The following KSR2 variants were observed in gnomAD, a reference collection of about 807,000 sequenced individuals.
KSR2 encodes the protein kinase suppressor of ras 2.
In KSR2, 25 loss-of-function variants were observed where a neutral mutation model predicts 107.8. The observed-to-expected ratio is 0.23, with a 90% confidence interval of 0.17 to 0.32. The LOEUF is 0.32. Ranked by LOEUF, KSR2 falls within the 10% of genes least tolerant of loss-of-function variation. The pLI, the probability that KSR2 is intolerant of heterozygous loss-of-function variation, is 1.00. For missense variants in KSR2, 887 were observed against 1,268.9 expected (o/e 0.70, Z 4.57); for synonymous variants, 480 against 507.0 (o/e 0.95, Z 0.71).
chr12:117,530,059 T>C (rs988096369), intron 12 of KSR2, among the ~76,000 whole-genome samples: 7 of 152,024 alleles, frequency 4.6e-5, no homozygotes, highest in Non-Finnish European at 1.0e-4. Context: ...ACAATGTCTA[T>C]GGAGAGGCTA....
At chr12:117,520,849 T>C (rs1270601673) in intron 14 of KSR2, among the ~76,000 whole-genome samples, 1 of 152,054 alleles carries the variant, frequency 6.6e-6, no homozygotes, top group Non-Finnish European at 1.5e-5. Context: ...CCCTGCACTC[T>C]GGACAATGTC....
intron 15 of KSR2, 34 bp from the exon 16 acceptor site, chr12:117,484,583 A>G: frequency 1.9e-6 from 3 of 1,611,148 alleles, no homozygotes; most frequent in Non-Finnish European, 2.5e-6. Context: ...GTTGCCAGAG[A>G]AAAACCTAAG....
At chr12:117,910,643 A>G (rs973432878) in intron 1 of KSR2, among the ~76,000 whole-genome samples, 1 of 152,238 alleles carries the variant, frequency 6.6e-6, no homozygotes, top group East Asian at 1.9e-4. Context: ...AACTAGAGAA[A>G]TGCTTGGAAT....
chr12:117,539,942 G>A, intron 9 of KSR2, 55 bp from the exon 10 acceptor site: 3 of 1,494,500 alleles, frequency 2.0e-6, no homozygotes, highest in Non-Finnish European at 2.7e-6. Context: ...CAGAAACACA[G>A]CAGAAAGAGT....
intron 1 of KSR2, among the ~76,000 whole-genome samples, chr12:117,861,378 C>CT (rs5801257): frequency 0.015 from 1,208 of 81,636 alleles, 312 homozygotes; most frequent in Middle Eastern, 0.022. Context: ...TCCCAATTCG[C>CT]TTTTTTTTTT....
chr12:117,934,854 C>T (rs554227882), intron 1 of KSR2, among the ~76,000 whole-genome samples: 21 of 152,256 alleles, frequency 1.4e-4, no homozygotes, highest in South Asian at 6.2e-4. Context: ...GAGACAGAGT[C>T]TTGCTCTGTC....
intron 4 of KSR2, among the ~76,000 whole-genome samples, chr12:117,744,857 A>G (rs915038640): frequency 6.6e-6 from 1 of 152,212 alleles, no homozygotes; most frequent in Non-Finnish European, 1.5e-5. Context: ...TTAACTGATC[A>G]TTCCCCTGCA....
intron 5 of KSR2, among the ~76,000 whole-genome samples, chr12:117,656,147 A>C (rs1884144796): frequency 6.6e-6 from 1 of 152,232 alleles, no homozygotes; most frequent in Non-Finnish European, 1.5e-5. Flanking sequence ...TTCTTTTGTT[A>C]AACACATGTT....
At chr12:117,910,582 AC>A (rs774957231) in intron 1 of KSR2, among the ~76,000 whole-genome samples, 1 of 152,148 alleles carries the variant, frequency 6.6e-6, no homozygotes, top group Non-Finnish European at 1.5e-5. Flanking sequence ...CCACAATTAA[AC>A]TTACTTTGCT....
At chr12:117,960,368 A>G (rs1896623760) in intron 1 of KSR2, among the ~76,000 whole-genome samples, 4 of 152,184 alleles carry the variant, frequency 2.6e-5, no homozygotes, top group Non-Finnish European at 5.9e-5. Flanking sequence ...TCTATGTAAC[A>G]TGCTCTGGCA....
At chr12:117,730,466 TCTCCCCTCTCC>T (rs1887619010) in intron 4 of KSR2, among the ~76,000 whole-genome samples, 2 of 13,332 alleles carry the variant, frequency 1.5e-4, no homozygotes, top group African/African-American at 5.8e-4. Flanking sequence ...CTCTCCCTCG[TCTCCCCTCTCC>T]CTCGTCTCCC....
chr12:117,869,351 G>A (rs1032056967), intron 1 of KSR2, among the ~76,000 whole-genome samples: 9 of 152,026 alleles, frequency 5.9e-5, no homozygotes, highest in African/African-American at 1.7e-4. Flanking sequence ...CAGCCTGGGC[G>A]ACACAGCAAG....
chr12:117,814,812 G>C (rs1190870402), intron 3 of KSR2, among the ~76,000 whole-genome samples: 3 of 152,112 alleles, frequency 2.0e-5, no homozygotes, highest in Non-Finnish European at 2.9e-5. Flanking sequence ...CCAGGTACAT[G>C]TTTAAGATAC....
chr12:117,895,290 T>A (rs917891388), intron 1 of KSR2, among the ~76,000 whole-genome samples: 14 of 152,078 alleles, frequency 9.2e-5, no homozygotes, highest in Non-Finnish European at 1.6e-4. Flanking sequence ...ACACAAACAT[T>A]GTGCCCAAGG....
At position 117,879,615 on chromosome 12, in the gene KSR2, G is replaced by A. The variant is rs540302525; in HGVS notation, c.181-19184C>T. Among the ~76,000 whole-genome samples, 7 of 152,364 alleles carry A rather than the reference G, an allele frequency of 4.6e-5. No individual in the cohort carries two copies. In the South Asian group the frequency reaches 8.3e-4, roughly 18 times the overall value. On this transcript the variant is annotated intron_variant, in intron 1 of 19. Transcript: ENST00000339824. ...ACCTGTAGTCCCAGCTATTCAGGAGGCTGAGGTCAGAGGATTGCTTGAGCC... is the reference window on the plus strand; with the variant it reads ...ACCTGTAGTCCCAGCTATTCAGGAGACTGAGGTCAGAGGATTGCTTGAGCC...
intron 3 of KSR2, among the ~76,000 whole-genome samples, chr12:117,846,206 G>A (rs910707066): frequency 6.6e-6 from 1 of 151,442 alleles, no homozygotes; most frequent in Non-Finnish European, 1.5e-5. Flanking sequence ...TGACTGACCT[G>A]CTCTGATCAG....
chr12:117,709,202 T>C (rs1593154921), intron 4 of KSR2, among the ~76,000 whole-genome samples: 1 of 152,176 alleles, frequency 6.6e-6, no homozygotes. Flanking sequence ...CTCACACCCA[T>C]TTTGCTTCCA....
intron 5 of KSR2, among the ~76,000 whole-genome samples, chr12:117,635,089 A>G (rs1406216471): frequency 2.0e-5 from 3 of 152,196 alleles, no homozygotes; most frequent in African/African-American, 2.4e-5. Context: ...GTCTCCCAGC[A>G]TGGAGGTTCT....
At chr12:117,479,162 A>C (rs896377344) in intron 16 of KSR2, among the ~76,000 whole-genome samples, 6 of 152,186 alleles carry the variant, frequency 3.9e-5, no homozygotes. Flanking sequence ...CTCACACATG[A>C]AGGTAGCATC....
Sources: allele counts gnomAD v4.1 joint callset (sites outside exome capture counted in the v4.1 genomes callset), GRCh38; gene constraint gnomAD v4.1.1; transcripts MANE v1.5; gene names NCBI Gene and HGNC (gene_info 2026-07-23, HGNC 2026-07-21).